EOGT: variants seen among roughly 807,000 people sequenced by gnomAD.
The protein encoded by EOGT is EGF domain-specific O-linked N-acetylglucosamine transferase.
Under a neutral mutation model 70.5 loss-of-function variants are expected in EOGT, and 55 were observed. That is an observed-to-expected ratio of 0.78 (90% confidence interval 0.63 to 0.98). The LOEUF is 0.98. EOGT is among the 50% of genes least tolerant of loss of function. The pLI is 0.00. For synonymous variants in EOGT, 246 were observed against 217.1 expected (o/e 1.13, Z -1.17); for missense variants, 703 against 641.9 (o/e 1.10, Z -1.03).
At chr3:68,993,473 A>G (rs6804833) in intron 10 of EOGT, among the ~76,000 whole-genome samples, 125,536 of 152,134 alleles carry the variant, frequency 0.83, 51,974 homozygotes, top group Admixed American at 0.86. Flanking sequence ...CCTCAGCCTG[A>G]ATTTTATTGT....
intron 11 of EOGT, 65 bp downstream of exon 11, chr3:68,988,860 A>G: frequency 1.2e-6 from 1 of 850,072 alleles, no homozygotes; most frequent in Non-Finnish European, 1.8e-6. Flanking sequence ...ATAAATGTTT[A>G]TTTTATGAGT....
intron 7 of EOGT, among the ~76,000 whole-genome samples, chr3:69,004,804 C>G (rs1452991950): frequency 2.4e-4 from 36 of 152,066 alleles, no homozygotes; most frequent in Non-Finnish European, 2.9e-5. Context: ...TGGCTCACAC[C>G]TATAATCCCA....
chr3:69,002,687 A>G (rs1473290941), intron 8 of EOGT, among the ~76,000 whole-genome samples: 2 of 149,072 alleles, frequency 1.3e-5, no homozygotes, highest in Admixed American at 6.7e-5. Context: ...CAGGGTCTTG[A>G]TCCATCGCCC....
rs1182802440 is a variant in EOGT, at chr3:68,988,335, T to C, written c.1043A>G (p.His348Arg). 3 of 1,536,002 alleles carry C rather than the reference T, an allele frequency of 2.0e-6. No homozygotes were observed. The highest frequency in any genetic ancestry group is 2.6e-6 in the Non-Finnish European group (3 of 1,146,892). Residue 348 changes from histidine (H) to arginine (R), a missense_variant, in exon 13 of 18, where the codon CAT (histidine) becomes CGT (arginine). Transcript: ENST00000383701. ...TGTGATGTTTAGTCTGTGTAGTACA[T>C]GCTGGGCAAATGCCCTGAATAGTCC... ...NTGLFRAFAQ[H>R]VLHRLNITQE...
intron 4 of EOGT, among the ~76,000 whole-genome samples, 172 bp from the exon 5 acceptor site, chr3:69,008,700 A>G (rs1158474305): frequency 1.3e-5 from 2 of 152,222 alleles, no homozygotes; most frequent in Non-Finnish European, 2.9e-5. Context: ...GAGCAGTCTC[A>G]AGGTTCTTAA....
chr3:69,003,220 T>C (rs1386624456), intron 8 of EOGT, among the ~76,000 whole-genome samples: 3 of 152,168 alleles, frequency 2.0e-5, no homozygotes, highest in Non-Finnish European at 4.4e-5. Context: ...CCAATGTCAA[T>C]TTCATGGTTG....
At chr3:68,987,535 A>C in intron 13 of EOGT, 22 bp from the exon 14 acceptor site, 1 of 1,575,744 alleles carries the variant, frequency 6.3e-7, no homozygotes, top group South Asian at 1.1e-5. Flanking sequence ...ATGAAACGGT[A>C]AAATAACACT....
At chr3:68,979,467 T>G (rs1456686746) in intron 16 of EOGT, among the ~76,000 whole-genome samples, 1 of 152,214 alleles carries the variant, frequency 6.6e-6, no homozygotes, top group Non-Finnish European at 1.5e-5. Context: ...GAAGGGGTAG[T>G]TGGCTTACTA....
intron 15 of EOGT, among the ~76,000 whole-genome samples, chr3:68,982,134 C>G (rs2090662775): frequency 6.6e-6 from 1 of 152,062 alleles, no homozygotes; most frequent in East Asian, 1.9e-4. Flanking sequence ...GTCTTGAACT[C>G]CTGAGCCCAG....
chr3:69,012,952 C>T (rs547570543), intron 1 of EOGT, among the ~76,000 whole-genome samples, 153 bp from the exon 2 acceptor site: 4 of 152,088 alleles, frequency 2.6e-5, no homozygotes, highest in African/African-American at 9.6e-5. Context: ...AAGTTCAACA[C>T]GTGAGACCCC....
intron 10 of EOGT, among the ~76,000 whole-genome samples, chr3:68,992,980 G>A (rs2091039310): frequency 6.6e-6 from 1 of 152,228 alleles, no homozygotes; most frequent in Non-Finnish European, 1.5e-5. Flanking sequence ...TCCCTAGGCT[G>A]CATACAGCAT....
intron 6 of EOGT, among the ~76,000 whole-genome samples, chr3:69,005,959 A>G (rs750078576): frequency 6.6e-6 from 1 of 152,204 alleles, no homozygotes; most frequent in Non-Finnish European, 1.5e-5. Context: ...TGTAGTTGGT[A>G]AAATATTGCA....
At chr3:69,007,847 G>A (rs1553673655) in intron 5 of EOGT, 26 bp from the exon 6 acceptor site, 1 of 1,524,076 alleles carries the variant, frequency 6.6e-7, no homozygotes, top group East Asian at 2.3e-5. Context: ...AATATTCTGT[G>A]TTTTTTTCTT....
chr3:68,984,479 C>T lies in EOGT; in HGVS notation c.1153-1607G>A, dbSNP rs543286443. Among the ~76,000 whole-genome samples the T allele has an allele frequency of 9.2e-5, 14 of 152,302 alleles. No individual in the cohort carries two copies. The South Asian group carries it at 2.5e-3, about 27-fold the overall frequency. On this transcript the variant is annotated intron_variant, in intron 14 of 17. Transcript: ENST00000383701. ...ACGAAAAAGGTGGCCCTATCCCTTCCGATGGCTATTCAAACCCTAAAGTTG... is the reference window on the plus strand; with the variant it reads ...ACGAAAAAGGTGGCCCTATCCCTTCTGATGGCTATTCAAACCCTAAAGTTG...
At chr3:69,005,299 T>C (rs1350328700) in intron 6 of EOGT, 65 bp from the exon 7 acceptor site, 2 of 864,152 alleles carry the variant, frequency 2.3e-6, no homozygotes, top group Non-Finnish European at 3.8e-6. Context: ...CATCCGGACT[T>C]GCTAGACACA....
At chr3:69,007,578 G>A (rs534959055) in intron 6 of EOGT, 135 bp downstream of exon 6, 5 of 344,578 alleles carry the variant, frequency 1.5e-5, no homozygotes, top group South Asian at 3.7e-5. Flanking sequence ...CTTGAACCTG[G>A]GAGGCAGAGG....
rs145325450 is a variant in EOGT, at chr3:68,977,119, C to T, written c.*499G>A. 1.0e-3 allele frequency: 165 copies of T among 158,106 alleles called. 3 individuals carry two copies. The East Asian group carries it at 0.029, about 28-fold the overall frequency. 9.8% of individuals were successfully genotyped at this position (158,106 alleles called of 1,614,324 possible). ...AGGTTGCAGTGAGCTGAGATCATGC[C>T]ACTGCACTCCAGCCTGGGTGACAGA... On this transcript the variant is annotated 3_prime_UTR_variant, in exon 18 of 18. Coordinates refer to ENST00000383701, the MANE Select transcript of EOGT (RefSeq NM_001278689.2).
intron 10 of EOGT, 112 bp from the exon 11 acceptor site, chr3:68,989,129 G>C: frequency 1.8e-6 from 1 of 562,602 alleles, no homozygotes; most frequent in South Asian, 2.8e-5. Context: ...ACAATCCTAC[G>C]CAAGTTCATA....
chr3:68,979,744 C>G lies in EOGT; in HGVS notation c.1258G>C (p.Asp420His). The G allele has an allele frequency of 6.2e-7, 1 of 1,613,542 alleles. No homozygotes were observed. The highest frequency in any genetic ancestry group is 8.5e-7 in the Non-Finnish European group (1 of 1,179,626). The change falls in exon 16 of 18, where the codon GAC becomes CAC. Residue 420 changes from aspartate to histidine, a missense_variant. Transcript: ENST00000383701. ...GCTCCATGCATTCCAATAAATATGT[C>G]CGTGTTGTGTGTGATCCTTAGTTGA... ...LDQLRITHNTDIFIGMHGAGL... is the reference protein window; with the variant it reads ...LDQLRITHNTHIFIGMHGAGL...
Sources: gnomAD v4.1 joint callset for allele counts (sites outside exome capture counted in the v4.1 genomes callset) on GRCh38, gnomAD v4.1.1 for gene constraint, MANE v1.5 for transcripts, NCBI Gene and HGNC (gene_info 2026-07-23, HGNC 2026-07-21) for gene names.